NIPA1: variants seen among roughly 807,000 people sequenced by gnomAD.
The protein encoded by NIPA1 is NIPA magnesium transporter 1.
In NIPA1, 13 loss-of-function variants were observed where a neutral mutation model predicts 23.9. The ratio of observed to expected loss-of-function variants is 0.54; its 90% CI spans 0.35 to 0.87. The LOEUF is 0.87. Among genes scored for constraint, NIPA1 ranks in the 40% least tolerant of loss-of-function variants. NIPA1 has a pLI of 0.01. For synonymous variants in NIPA1, 234 were observed against 202.9 expected (o/e 1.15, Z -1.30); for missense variants, 362 against 429.7 (o/e 0.84, Z 1.39).
At chr15:22,815,091 A>AT (rs1013359478) in intron 3 of NIPA1, among the ~76,000 whole-genome samples, 11 of 151,442 alleles carry the variant, frequency 7.3e-5, no homozygotes, top group South Asian at 6.3e-4. Flanking sequence ...ATATGATGTG[A>AT]TTTTTTTTTC....
chr15:22,811,093 C>G (rs909713863), intron 2 of NIPA1: 5 of 420,102 alleles, frequency 1.2e-5, no homozygotes, highest in African/African-American at 1.0e-4. Context: ...TGTCCTGGGC[C>G]CGAAGAAATT....
intron 3 of NIPA1, chr15:22,814,172 A>T: frequency 9.4e-7 from 1 of 1,061,330 alleles, no homozygotes; most frequent in Non-Finnish European, 1.3e-6. Flanking sequence ...TTTTCTTTTA[A>T]ACAGAATAAA....
At chr15:22,797,221 T>C (rs1348676355) in intron 1 of NIPA1, among the ~76,000 whole-genome samples, 2 of 151,782 alleles carry the variant, frequency 1.3e-5, no homozygotes, top group African/African-American at 2.4e-5. Context: ...TTTGGGTTTT[T>C]TTTTTTTGGA....
intron 1 of NIPA1, among the ~76,000 whole-genome samples, chr15:22,787,625 C>T (rs1285882842): frequency 6.6e-6 from 1 of 152,162 alleles, no homozygotes; most frequent in Non-Finnish European, 1.5e-5. Context: ...CGGACGGGAC[C>T]GGTTTGCCAA....
intron 1 of NIPA1, among the ~76,000 whole-genome samples, chr15:22,789,877 C>A (rs1195846028): frequency 6.6e-6 from 1 of 152,022 alleles, no homozygotes; most frequent in Non-Finnish European, 1.5e-5. Flanking sequence ...TCATTGCAGC[C>A]CCCGCCTCCT....
chr15:22,792,719 C>A (rs1025123497), intron 1 of NIPA1, among the ~76,000 whole-genome samples: 1 of 151,734 alleles, frequency 6.6e-6, no homozygotes, highest in Non-Finnish European at 1.5e-5. Context: ...TTTAGGAGGC[C>A]GAGGCAGGTG....
intron 3 of NIPA1, chr15:22,819,482 A>G (rs927079626): frequency 9.2e-5 from 14 of 152,222 alleles, no homozygotes; most frequent in African/African-American, 3.4e-4. Context: ...GAAACAAGTT[A>G]GAAGCCTGGA....
chr15:22,815,642 A>G (rs1200536044), intron 3 of NIPA1, among the ~76,000 whole-genome samples: 2 of 152,190 alleles, frequency 1.3e-5, no homozygotes, highest in Admixed American at 1.3e-4. Context: ...AAAACAAAGA[A>G]AAGATAAAGC....
rs923616021 is a variant in NIPA1, at chr15:22,827,348, C to G, written c.*3109C>G. 3.3e-5 allele frequency: 5 copies of G among 152,292 alleles called. No individual in the cohort carries two copies. In the South Asian group the frequency reaches 1.0e-3, roughly 32 times the overall value. 9.4% of individuals were successfully genotyped at this position (152,292 alleles called of 1,614,324 possible). A position where few individuals can be genotyped will look rare whatever the true frequency, so the allele number is the denominator to read the frequency against. On this transcript the variant is annotated 3_prime_UTR_variant, in exon 5 of 5. Coordinates refer to ENST00000337435, the MANE Select transcript of NIPA1 (RefSeq NM_144599.5). ...AACCCTAACCCAGCACCACAAAGCC[C>G]CCCTGGAGCATCTTCCCGGCTGGCA...
intron 1 of NIPA1, among the ~76,000 whole-genome samples, chr15:22,810,010 C>T (rs1462048544): frequency 1.3e-5 from 2 of 151,940 alleles, no homozygotes; most frequent in Non-Finnish European, 2.9e-5. Context: ...CGCGCCATTG[C>T]ACTCCAGCCT....
At chr15:22,813,953 T>C (rs1595642222) in intron 3 of NIPA1, 2 of 433,262 alleles carry the variant, frequency 4.6e-6, no homozygotes, top group East Asian at 1.5e-4. Flanking sequence ...GACCTGGTGA[T>C]CTTGGCACGT....
chr15:22,813,545 GAAATCATTAGA>G, intron 3 of NIPA1: 1 of 433,684 alleles, frequency 2.3e-6, no homozygotes, highest in Non-Finnish European at 4.6e-6. Context: ...TGTCTTTGAA[GAAATCATTAGA>G]AATAAAAATA....
intron 3 of NIPA1, 105 bp downstream of exon 3, chr15:22,812,358 G>A: frequency 1.2e-6 from 1 of 844,660 alleles, no homozygotes; most frequent in Non-Finnish European, 2.0e-6. Flanking sequence ...TGTAATAGAA[G>A]ATAGATCTTC....
At chr15:22,803,377 T>C (rs1024312895) in intron 1 of NIPA1, among the ~76,000 whole-genome samples, 1 of 152,016 alleles carries the variant, frequency 6.6e-6, no homozygotes, top group African/African-American at 2.4e-5. Context: ...ATATATATAC[T>C]CACACATATA....
rs954882127 is a variant in NIPA1, at chr15:22,821,096, G to T, written c.478+623G>T. Among the ~76,000 whole-genome samples, 154 of 151,598 alleles carry T rather than the reference G, an allele frequency of 1.0e-3. 1 individual carries two copies. The highest frequency in any genetic ancestry group is 1.8e-3 in the Non-Finnish European group (120 of 67,918). Reference sequence around the variant, plus strand: ...TTCTGCCTCAGCCTCCTGAGTAGCCGGGGACTACAGGCGCCTGCCACCATG... The same window carrying T: ...TTCTGCCTCAGCCTCCTGAGTAGCCTGGGACTACAGGCGCCTGCCACCATG... On this transcript the variant is annotated intron_variant, in intron 4 of 4. Coordinates refer to ENST00000337435, the MANE Select transcript of NIPA1 (RefSeq NM_144599.5).
At chr15:22,807,811 T>G (rs1193101489) in intron 1 of NIPA1, among the ~76,000 whole-genome samples, 3 of 150,832 alleles carry the variant, frequency 2.0e-5, no homozygotes, top group African/African-American at 7.4e-5. Context: ...TGTGATGGAG[T>G]CTCTCTCTGT....
At chr15:22,810,711 AC>A in intron 1 of NIPA1, 37 bp from the exon 2 acceptor site, 1 of 1,354,368 alleles carries the variant, frequency 7.4e-7, no homozygotes. Flanking sequence ...TAGCTGGTAA[AC>A]CCACTTTTCT....
At chr15:22,795,617 T>G (rs1303667532) in intron 1 of NIPA1, among the ~76,000 whole-genome samples, 2 of 152,078 alleles carry the variant, frequency 1.3e-5, no homozygotes, top group African/African-American at 4.8e-5. Flanking sequence ...CCTTCCATGG[T>G]GTGTGGCTTT....
chr15:22,796,431 ATAAATG>A (rs975978233), intron 1 of NIPA1, among the ~76,000 whole-genome samples: 1 of 152,014 alleles, frequency 6.6e-6, no homozygotes, highest in Non-Finnish European at 1.5e-5. Context: ...TATTTATAGT[ATAAATG>A]TAATTTATAT....
Sources: gnomAD v4.1 joint callset for allele counts (sites outside exome capture counted in the v4.1 genomes callset) on GRCh38, gnomAD v4.1.1 for gene constraint, MANE v1.5 for transcripts, NCBI Gene and HGNC (gene_info 2026-07-23, HGNC 2026-07-21) for gene names.